Variants in TRIP12 observed in about 807,000 individuals in gnomAD.
TRIP12 encodes thyroid hormone receptor interactor 12, also known as E3 ubiquitin-protein ligase TRIP12.
In TRIP12, 25 loss-of-function variants were observed where a neutral mutation model predicts 244.2. The observed-to-expected ratio is 0.10, with a 90% CI of 0.07 to 0.14. The LOEUF (loss-of-function observed/expected upper bound fraction) is 0.14. TRIP12 is among the 10% of genes least tolerant of loss of function. TRIP12 has a pLI of 1.00. For synonymous variants in TRIP12, 905 were observed against 873.1 expected, an observed-to-expected ratio of 1.04 and a Z score of -0.64; for missense variants, 1,677 against 2,486.4, an observed-to-expected ratio of 0.67 and a Z score of 6.92.
chr2:229,822,460 C>G (rs1034467501), intron 8 of TRIP12, among the ~76,000 whole-genome samples: 1 of 152,158 alleles, frequency 6.6e-6, no homozygotes, highest in East Asian at 1.9e-4. Flanking sequence ...AAAACAGTGA[C>G]TAGCAAGAGG....
chr2:229,882,790 G>A (rs766923998), intron 1 of TRIP12, among the ~76,000 whole-genome samples: 5 of 152,200 alleles, frequency 3.3e-5, no homozygotes, highest in Non-Finnish European at 5.9e-5. Context: ...AGTCAGGCTA[G>A]TTGTTTTGAC....
chr2:229,835,425 T>C (rs1021899857), intron 6 of TRIP12, among the ~76,000 whole-genome samples: 1 of 152,218 alleles, frequency 6.6e-6, no homozygotes, highest in African/African-American at 2.4e-5. Flanking sequence ...CAGCCTTCAA[T>C]TATATATTCG....
At chr2:229,780,939 A>T (rs1476647150) in intron 34 of TRIP12, among the ~76,000 whole-genome samples, 2 of 152,246 alleles carry the variant, frequency 1.3e-5, no homozygotes, top group Non-Finnish European at 2.9e-5. Context: ...ACCTGCAGTA[A>T]CACATGGTAT....
chr2:229,904,765 C>T (rs2072198819), intron 1 of TRIP12, among the ~76,000 whole-genome samples: 1 of 152,172 alleles, frequency 6.6e-6, no homozygotes, highest in African/African-American at 2.4e-5. Flanking sequence ...TGTTACGTGA[C>T]ACCCTGGATA....
chr2:229,906,830 G>C (rs2072994395), intron 1 of TRIP12, among the ~76,000 whole-genome samples: 3 of 151,766 alleles, frequency 2.0e-5, no homozygotes, highest in Admixed American at 2.0e-4. Flanking sequence ...CACTATTTTT[G>C]CAAGATTTTT....
chr2:229,919,700 C>A (rs1051259410), intron 1 of TRIP12, among the ~76,000 whole-genome samples: 1 of 151,990 alleles, frequency 6.6e-6, no homozygotes, highest in Non-Finnish European at 1.5e-5. Flanking sequence ...ACTGCTCACA[C>A]TCCAGAAAAA....
At position 229,858,910 on chromosome 2, in the gene TRIP12, C is replaced by G. The variant is rs774986003; in HGVS notation, c.889G>C (p.Gly297Arg). Residue 297 changes from glycine (G) to arginine (R), a missense_variant, in exon 4 of 42, where the codon GGT (glycine) becomes CGT (arginine). Coordinates refer to ENST00000675903, the MANE Select transcript of TRIP12 (RefSeq NM_001348323.3). ...SSREKEQSKT[G>R]GSSKFDWAAR... ...GCCCAATCAAATTTTGAAGAGCCAC[C>G]AGTTTTACTCTGTTCCTTTTCCCTG... 3.1e-6 allele frequency: 5 copies of G among 1,614,048 alleles called. No homozygotes were observed. The highest frequency in any genetic ancestry group is 4.2e-6 in the Non-Finnish European group (5 of 1,180,036).
rs1228579827 is a variant in TRIP12, at chr2:229,765,265, A to C, written c.*2289T>G. 2.6e-5 allele frequency: 4 copies of C among 152,204 alleles called. No homozygotes were observed. Among genetic ancestry groups the C allele is most frequent in the Non-Finnish European group, 5.9e-5 (4 of 68,036 alleles). 9.4% of individuals were successfully genotyped at this position (152,204 alleles called of 1,614,324 possible). ...CCAACTAAGTGTTTAAAGTATACTA[A>C]GAAGTTAGTGCTCGTTGATAGGATT... is the stretch of plus-strand genomic sequence containing the variant. On this transcript the variant is annotated 3_prime_UTR_variant, in exon 42 of 42. Coordinates refer to ENST00000675903, the MANE Select transcript of TRIP12 (RefSeq NM_001348323.3).
chr2:229,769,024 T>C (rs932919008), intron 40 of TRIP12, among the ~76,000 whole-genome samples: 3 of 152,236 alleles, frequency 2.0e-5, no homozygotes, highest in Non-Finnish European at 4.4e-5. Flanking sequence ...ACAGAAATAC[T>C]TGAGAAAGAA....
chr2:229,800,329 C>T (rs1328082408), intron 21 of TRIP12, among the ~76,000 whole-genome samples: 1 of 151,866 alleles, frequency 6.6e-6, no homozygotes, highest in Non-Finnish European at 1.5e-5. Context: ...ACACCTGTAG[C>T]CTGTTCTAAC....
chr2:229,818,294 C>A, intron 9 of TRIP12, 70 bp downstream of exon 9: 1 of 1,465,892 alleles, frequency 6.8e-7, no homozygotes, highest in South Asian at 1.2e-5. Flanking sequence ...AATAATCATA[C>A]ATTCAGTACA....
chr2:229,851,580 TTCACTCTTTGCAATAAATCTTGCTACTGC>T, intron 4 of TRIP12, among the ~76,000 whole-genome samples: 1 of 152,204 alleles, frequency 6.6e-6, no homozygotes, highest in East Asian at 1.9e-4. Context: ...GCTTTGTTCT[TTCACTCTTTGCAATAAATCTTGCTACTGC>T]TCACTCTTTG....
In TRIP12 at chr2:229,859,076, A is replaced by G. The variant is rs1251538574; in HGVS notation, c.723T>C (p.Ala241=). ...CAGAAGACGAGGAGGAAGTAGAGGC[A>G]GCAGAAGAAGAATCAGTGATGGTGC... ...GCSTITDSSS[A]ASTSSSSSAV... Residue 241 remains alanine (A), a synonymous_variant, in exon 4 of 42, where the codon GCT becomes GCC. Coordinates refer to ENST00000675903, the MANE Select transcript of TRIP12 (RefSeq NM_001348323.3). 1.2e-6 allele frequency: 2 copies of G among 1,614,122 alleles called. No individual in the cohort carries two copies. Among genetic ancestry groups the G allele is most frequent in the African/African-American group, 2.7e-5 (2 of 74,940 alleles).
chr2:229,887,509 G>A (rs2066296697), intron 1 of TRIP12, among the ~76,000 whole-genome samples: 2 of 152,146 alleles, frequency 1.3e-5, no homozygotes, highest in Admixed American at 1.3e-4. Context: ...CAAGTAGAAA[G>A]CTACCAAACA....
chr2:229,832,367 A>G (rs1046131461), intron 6 of TRIP12, among the ~76,000 whole-genome samples: 1 of 152,174 alleles, frequency 6.6e-6, no homozygotes, highest in African/African-American at 2.4e-5. Flanking sequence ...AGCATAAAAC[A>G]TTTACTATCT....
chr2:229,873,969 G>A (rs1170714632), intron 2 of TRIP12, among the ~76,000 whole-genome samples: 3 of 151,792 alleles, frequency 2.0e-5, no homozygotes, highest in South Asian at 2.1e-4. Flanking sequence ...TTCTTAGCAT[G>A]GAGAAGGCAA....
chr2:229,783,365 T>A (rs2038917784), intron 34 of TRIP12, among the ~76,000 whole-genome samples: 3 of 152,204 alleles, frequency 2.0e-5, no homozygotes, highest in Non-Finnish European at 1.5e-5. Context: ...ATATTTACTA[T>A]CTGGTCCTTC....
intron 5 of TRIP12, among the ~76,000 whole-genome samples, chr2:229,837,220 T>C (rs572482657): frequency 1.3e-5 from 2 of 152,338 alleles, no homozygotes; most frequent in East Asian, 1.9e-4. Flanking sequence ...GCTGTTGTCA[T>C]CCTCAGAAAC....
intron 1 of TRIP12, among the ~76,000 whole-genome samples, chr2:229,884,359 C>A (rs2065548916): frequency 6.7e-6 from 1 of 150,194 alleles, no homozygotes; most frequent in African/African-American, 2.4e-5. Flanking sequence ...GCCTTGGCCT[C>A]CAGAGTAGCT....
Sources: gnomAD v4.1 joint callset for allele counts (sites outside exome capture counted in the v4.1 genomes callset) on GRCh38, gnomAD v4.1.1 for gene constraint, MANE v1.5 for transcripts, NCBI Gene and HGNC (gene_info 2026-07-23, HGNC 2026-07-21) for gene names.